Variants in ROR2 observed in about 807,000 individuals in gnomAD.
ROR2 encodes the protein ROR family WNT receptor 2, also known as tyrosine-protein kinase transmembrane receptor ROR2.
In ROR2, 33 loss-of-function variants were observed where a neutral mutation model predicts 74.9. That is an observed-to-expected ratio of 0.44 (90% confidence interval 0.33 to 0.59). ROR2 has a LOEUF of 0.59. ROR2 is among the 20% of genes least tolerant of loss of function. The pLI, the probability that ROR2 is intolerant of heterozygous loss-of-function variation, is 0.02. For synonymous variants in ROR2, 586 were observed against 558.7 expected, an observed-to-expected ratio of 1.05 and a Z score of -0.69; for missense variants, 1,216 against 1,313.8, an observed-to-expected ratio of 0.93 and a Z score of 1.15.
At chr9:91,946,425 C>T (rs913444742) in intron 1 of ROR2, among the ~76,000 whole-genome samples, 1 of 152,204 alleles carries the variant, frequency 6.6e-6, no homozygotes, top group African/African-American at 2.4e-5. Flanking sequence ...CCCTTCACCA[C>T]GTGGAAACCA....
At chr9:91,861,816 G>A (rs762759761) in intron 1 of ROR2, among the ~76,000 whole-genome samples, 5 of 152,120 alleles carry the variant, frequency 3.3e-5, no homozygotes, top group Non-Finnish European at 5.9e-5. Flanking sequence ...CACAAAATGG[G>A]AGAAAGTACT....
chr9:91,826,011 T>A (rs1450894090), intron 1 of ROR2, among the ~76,000 whole-genome samples: 1 of 152,208 alleles, frequency 6.6e-6, no homozygotes, highest in Admixed American at 6.5e-5. Context: ...CTGGGTGGCT[T>A]CGCCCCCCTG....
At chr9:91,809,710 G>A (rs555170324) in intron 1 of ROR2, among the ~76,000 whole-genome samples, 1 of 152,242 alleles carries the variant, frequency 6.6e-6, no homozygotes, top group Non-Finnish European at 1.5e-5. Flanking sequence ...GGTACAGCCG[G>A]CAGCAAGAGT....
intron 1 of ROR2, among the ~76,000 whole-genome samples, chr9:91,898,785 T>G (rs1364549254): frequency 6.6e-6 from 1 of 152,216 alleles, no homozygotes; most frequent in African/African-American, 2.4e-5. Flanking sequence ...CCAGCCCCAG[T>G]GCAGAAGGAG....
intron 1 of ROR2, among the ~76,000 whole-genome samples, chr9:91,910,008 C>T (rs1343035007): frequency 4.0e-5 from 6 of 151,238 alleles, no homozygotes; most frequent in African/African-American, 1.5e-4. Flanking sequence ...ACTACAGGCG[C>T]CCACCACCAC....
intron 1 of ROR2, among the ~76,000 whole-genome samples, chr9:91,929,536 C>T (rs1386076580): frequency 6.6e-6 from 1 of 152,206 alleles, no homozygotes; most frequent in Non-Finnish European, 1.5e-5. Flanking sequence ...CAGAACAAGT[C>T]ATGTTTAGAG....
At chr9:91,749,287 G>C (rs1023276095) in intron 4 of ROR2, among the ~76,000 whole-genome samples, 18 of 152,318 alleles carry the variant, frequency 1.2e-4, no homozygotes, top group Admixed American at 2.6e-4. Flanking sequence ...TTAAGCAACA[G>C]AATGTATTTT....
intron 6 of ROR2, among the ~76,000 whole-genome samples, chr9:91,731,623 T>C (rs1356619248): frequency 6.6e-6 from 1 of 152,208 alleles, no homozygotes; most frequent in Non-Finnish European, 1.5e-5. Flanking sequence ...ATTTCTGTAG[T>C]GTTTACCATG....
intron 1 of ROR2, among the ~76,000 whole-genome samples, chr9:91,790,697 G>A (rs1826941944): frequency 6.6e-6 from 1 of 152,206 alleles, no homozygotes; most frequent in African/African-American, 2.4e-5. Flanking sequence ...AGGTATCCAG[G>A]AGAAGGCATT....
chr9:91,745,759 T>C (rs140833669), intron 4 of ROR2, among the ~76,000 whole-genome samples: 49 of 152,298 alleles, frequency 3.2e-4, no homozygotes, highest in African/African-American at 1.1e-3. Context: ...GTATCTATTC[T>C]CGAATTATCT....
At chr9:91,843,714 A>C (rs1042520802) in intron 1 of ROR2, among the ~76,000 whole-genome samples, 5 of 152,278 alleles carry the variant, frequency 3.3e-5, no homozygotes, top group African/African-American at 1.2e-4. Flanking sequence ...CAGGGGCAGC[A>C]GGAGGAGCCC....
At chr9:91,845,699 T>C (rs1004108124) in intron 1 of ROR2, among the ~76,000 whole-genome samples, 2 of 151,598 alleles carry the variant, frequency 1.3e-5, no homozygotes, top group African/African-American at 2.4e-5. Context: ...CTGGCCAACA[T>C]GGCGAAACCC....
chr9:91,943,719 C>A (rs1469242979), intron 1 of ROR2, among the ~76,000 whole-genome samples: 4 of 152,132 alleles, frequency 2.6e-5, no homozygotes, highest in African/African-American at 7.2e-5. Context: ...TCTTTTCCCC[C>A]ATCTGTGTAG....
In ROR2 at chr9:91,906,977, A is replaced by G. The variant is rs181808924; in HGVS notation, c.97+42890T>C. 4.6e-5 allele frequency among the ~76,000 whole-genome samples: 7 copies of G among 152,312 alleles called. 1 individual carries two copies. The East Asian group carries it at 5.8e-4, about 13-fold the overall frequency. ...GGTGGGAACATTCACTGTGTTGTGCAGGATCACCACTCTCCACCCCCAGCA... is the reference window on the plus strand; with the variant it reads ...GGTGGGAACATTCACTGTGTTGTGCGGGATCACCACTCTCCACCCCCAGCA... On this transcript the variant is annotated intron_variant, in intron 1 of 8. Coordinates refer to ENST00000375708, the MANE Select transcript of ROR2 (RefSeq NM_004560.4).
At chr9:91,909,860 T>A (rs1361596189) in intron 1 of ROR2, among the ~76,000 whole-genome samples, 1 of 127,576 alleles carries the variant, frequency 7.8e-6, no homozygotes, top group African/African-American at 3.2e-5. Flanking sequence ...TTTTTTTTTT[T>A]TTTTTTTTTT....
intron 1 of ROR2, among the ~76,000 whole-genome samples, chr9:91,812,052 A>T (rs1017451510): frequency 8.2e-5 from 10 of 122,660 alleles, no homozygotes; most frequent in Middle Eastern, 8.1e-3. Flanking sequence ...TGATGAGCTT[A>T]AAAAAATGCA....
Position 91,924,203 on chromosome 9 carries a change from C to T in ROR2, c.97+25664G>A, listed in dbSNP as rs559643414. ...TTGTCCTCCATGGTAGGTGATCCCT[C>T]CTGCTGCCCAGCCCTTTTCCTATCC... is the stretch of plus-strand genomic sequence containing the variant. On this transcript the variant is annotated intron_variant, in intron 1 of 8. Transcript: ENST00000375708. Among the ~76,000 whole-genome samples the T allele has an allele frequency of 2.8e-4, 42 of 152,352 alleles. 1 individual carries two copies. In the South Asian group the frequency reaches 8.1e-3, roughly 29 times the overall value.
At chr9:91,806,840 C>A (rs942955718) in intron 1 of ROR2, among the ~76,000 whole-genome samples, 1 of 152,204 alleles carries the variant, frequency 6.6e-6, no homozygotes, top group African/African-American at 2.4e-5. Flanking sequence ...CCGCCCGCCT[C>A]GGCCACCCAA....
At chr9:91,896,177 CA>C (rs1227279875) in intron 1 of ROR2, among the ~76,000 whole-genome samples, 1 of 152,194 alleles carries the variant, frequency 6.6e-6, no homozygotes, top group Non-Finnish European at 1.5e-5. Flanking sequence ...TCACGCAGTG[CA>C]TACAATATTG....
Sources: gnomAD v4.1 joint callset for allele counts (sites outside exome capture counted in the v4.1 genomes callset) on GRCh38, gnomAD v4.1.1 for gene constraint, MANE v1.5 for transcripts, NCBI Gene and HGNC (gene_info 2026-07-23, HGNC 2026-07-21) for gene names.